Variants in NMNAT2 observed in about 807,000 individuals in gnomAD.
NMNAT2 encodes nicotinamide/nicotinic acid mononucleotide adenylyltransferase 2.
A neutral mutation model predicts 41.6 loss-of-function variants in NMNAT2; 11 were observed. The observed-to-expected ratio is 0.26, with a 90% CI of 0.17 to 0.44. The LOEUF (loss-of-function observed/expected upper bound fraction) is 0.44, where lower values mean the gene tolerates loss of function less well. NMNAT2 is among the 20% of genes least tolerant of loss of function. NMNAT2 has a pLI of 1.00. For synonymous variants in NMNAT2, 148 were observed against 151.2 expected (o/e 0.98, Z 0.16); for missense variants, 288 against 407.7 (o/e 0.71, Z 2.53).
intron 1 of NMNAT2, among the ~76,000 whole-genome samples, chr1:183,296,823 C>G (rs1330063238): frequency 1.3e-5 from 2 of 152,038 alleles, no homozygotes; most frequent in Admixed American, 1.3e-4. Flanking sequence ...CCCATATTTG[C>G]TTTTTAAAAG....
At chr1:183,292,130 A>G (rs1661557968) in intron 3 of NMNAT2, among the ~76,000 whole-genome samples, 1 of 152,264 alleles carries the variant, frequency 6.6e-6, no homozygotes, top group African/African-American at 2.4e-5. Flanking sequence ...TTTTTAAAAC[A>G]TCATCTTATC....
intron 1 of NMNAT2, among the ~76,000 whole-genome samples, chr1:183,400,753 A>C (rs1405604757): frequency 3.9e-5 from 6 of 152,188 alleles, no homozygotes; most frequent in Non-Finnish European, 7.3e-5. Context: ...CCTCAGAAAT[A>C]ATACCACATA....
At chr1:183,370,267 C>T (rs1275554470) in intron 1 of NMNAT2, among the ~76,000 whole-genome samples, 2 of 150,776 alleles carry the variant, frequency 1.3e-5, no homozygotes, top group African/African-American at 4.9e-5. Flanking sequence ...CACACACACA[C>T]ACACACACAG....
chr1:183,289,048 T>C (rs1444373818), intron 4 of NMNAT2, among the ~76,000 whole-genome samples: 1 of 152,146 alleles, frequency 6.6e-6, no homozygotes, highest in Non-Finnish European at 1.5e-5. Flanking sequence ...GACGGAGCAA[T>C]GAAGCGCCAC....
intron 1 of NMNAT2, among the ~76,000 whole-genome samples, chr1:183,341,790 T>C (rs1446938111): frequency 6.8e-6 from 1 of 146,284 alleles, no homozygotes; most frequent in Non-Finnish European, 1.5e-5. Flanking sequence ...CATGTGTTTA[T>C]GATTACTTTA....
chr1:183,363,516 G>A (rs939126939), intron 1 of NMNAT2, among the ~76,000 whole-genome samples: 3 of 151,834 alleles, frequency 2.0e-5, no homozygotes, highest in African/African-American at 7.3e-5. Context: ...AAAAGGCAGG[G>A]CCCCCAATTG....
At chr1:183,374,464 A>G (rs566987457) in intron 1 of NMNAT2, among the ~76,000 whole-genome samples, 1 of 152,270 alleles carries the variant, frequency 6.6e-6, no homozygotes, top group African/African-American at 2.4e-5. Context: ...TTCATTCCAG[A>G]AGGGGCTGTG....
intron 1 of NMNAT2, chr1:183,304,573 A>C: frequency 8.6e-7 from 1 of 1,163,414 alleles, no homozygotes; most frequent in Non-Finnish European, 1.3e-6. Context: ...AACCTTGAGA[A>C]GCTCCGCTGG....
rs1260590953 is a variant in NMNAT2 at position 183,416,884 on chromosome 1, C to G, written c.85+1299G>C. Reference sequence around the variant, plus strand: ...GAGGGCTCGCGCAGTCCTCAGGCTCCGGATAAACACGTGTGCCCGCATCCA... The same window carrying G: ...GAGGGCTCGCGCAGTCCTCAGGCTCGGGATAAACACGTGTGCCCGCATCCA... On this transcript the variant is annotated intron_variant, in intron 1 of 10. Transcript: ENST00000287713. 3.2e-4 allele frequency among the ~76,000 whole-genome samples: 49 copies of G among 152,170 alleles called. 1 individual carries two copies. Among genetic ancestry groups the G allele is most frequent in the Admixed American group, 3.2e-3 (49 of 15,292 alleles).
At chr1:183,369,057 G>A (rs1035212399) in intron 1 of NMNAT2, among the ~76,000 whole-genome samples, 1 of 152,116 alleles carries the variant, frequency 6.6e-6, no homozygotes, top group Non-Finnish European at 1.5e-5. Context: ...GCAACTCTGA[G>A]CCAGCAGCAG....
chr1:183,281,278 C>T (rs1449035318), intron 7 of NMNAT2, among the ~76,000 whole-genome samples: 1 of 152,064 alleles, frequency 6.6e-6, no homozygotes, highest in South Asian at 2.1e-4. Flanking sequence ...TGGGCAATGT[C>T]TGGACATTTT....
chr1:183,302,880 A>T (rs112930102), intron 1 of NMNAT2, among the ~76,000 whole-genome samples: 47 of 151,900 alleles, frequency 3.1e-4, no homozygotes, highest in African/African-American at 1.1e-3. Context: ...CTGCCTTCTG[A>T]CTGACCCTGG....
At chr1:183,375,609 G>A (rs2101913098) in intron 1 of NMNAT2, among the ~76,000 whole-genome samples, 1 of 152,258 alleles carries the variant, frequency 6.6e-6, no homozygotes, top group East Asian at 1.9e-4. Context: ...ACCACCTGCA[G>A]CCTCCCCTAT....
intron 8 of NMNAT2, among the ~76,000 whole-genome samples, chr1:183,271,753 T>A (rs141377581): frequency 9.3e-4 from 141 of 152,238 alleles, no homozygotes; most frequent in Non-Finnish European, 1.5e-3. Context: ...TCAGAATTAT[T>A]TTTTTCTTTT....
At chr1:183,264,337 A>G (rs1265929323) in intron 8 of NMNAT2, among the ~76,000 whole-genome samples, 2 of 151,942 alleles carry the variant, frequency 1.3e-5, no homozygotes, top group Admixed American at 6.6e-5. Context: ...TGAGCACCCA[A>G]TGAATAACTG....
chr1:183,351,071 T>C (rs1663037242), intron 1 of NMNAT2, among the ~76,000 whole-genome samples: 1 of 152,226 alleles, frequency 6.6e-6, no homozygotes, highest in Non-Finnish European at 1.5e-5. Context: ...ATTCAGCATC[T>C]CTATCCTCTT....
At chr1:183,411,272 T>C (rs1361197) in intron 1 of NMNAT2, among the ~76,000 whole-genome samples, 71,479 of 152,052 alleles carry the variant, frequency 0.47, 19,145 homozygotes, top group East Asian at 0.65. Flanking sequence ...AAGTCTACCA[T>C]AGACTTGAGA....
At chr1:183,259,098 A>C (rs1278250755) in intron 10 of NMNAT2, among the ~76,000 whole-genome samples, 1 of 152,176 alleles carries the variant, frequency 6.6e-6, no homozygotes, top group East Asian at 1.9e-4. Flanking sequence ...CTAGGTCCCT[A>C]AGTGCCTCCT....
intron 10 of NMNAT2, among the ~76,000 whole-genome samples, chr1:183,259,131 G>A (rs966508053): frequency 1.6e-4 from 24 of 152,124 alleles, no homozygotes; most frequent in Non-Finnish European, 4.4e-5. Flanking sequence ...GAAAAAGTGT[G>A]TATACCTGTG....
Sources: gnomAD v4.1 joint callset for allele counts (sites outside exome capture counted in the v4.1 genomes callset) on GRCh38, gnomAD v4.1.1 for gene constraint, MANE v1.5 for transcripts, NCBI Gene and HGNC (gene_info 2026-07-23, HGNC 2026-07-21) for gene names.